SNRPN: variants seen among roughly 807,000 people sequenced by gnomAD.
The protein encoded by SNRPN is small nuclear ribonucleoprotein polypeptide N, also known as small nuclear ribonucleoprotein-associated protein N.
SNRPN carries 7 observed loss-of-function variants against 25.2 expected under a neutral mutation model. That is an observed-to-expected ratio of 0.28 (90% confidence interval 0.16 to 0.52). The LOEUF (loss-of-function observed/expected upper bound fraction) is 0.52. SNRPN is among the 20% of genes least tolerant of loss of function. The pLI, the probability that SNRPN is intolerant of heterozygous loss-of-function variation, is 0.96. For missense variants in SNRPN, 196 were observed against 322.5 expected (o/e 0.61, Z 3.00); for synonymous variants, 124 against 110.6 (o/e 1.12, Z -0.76).
At chr15:24,885,036 C>T (rs35128953) in intron 1 of SNRPN, among the ~76,000 whole-genome samples, 7,535 of 152,230 alleles carry the variant, frequency 0.049, 196 homozygotes, top group Non-Finnish European at 0.06. Context: ...GCTGTGTCTA[C>T]GTGCAGATGG....
chr15:24,879,341 G>A (rs2056354409), intron 1 of SNRPN, among the ~76,000 whole-genome samples: 1 of 151,910 alleles, frequency 6.6e-6, no homozygotes, highest in Non-Finnish European at 1.5e-5. Context: ...GGAGGCTGAG[G>A]CAGGAGAATT....
At chr15:24,884,148 CAAAAAA>C (rs61039873) in intron 1 of SNRPN, among the ~76,000 whole-genome samples, 1 of 104,874 alleles carries the variant, frequency 9.5e-6, no homozygotes. Context: ...CCTGCCTCTA[CAAAAAA>C]AAAAAAAAAA....
chr15:24,977,772 T>C lies in SNRPN; in HGVS notation c.421-6T>C, dbSNP rs1566978397. On this transcript the variant is annotated splice_polypyrimidine_tract_variant and splice_region_variant and intron_variant, in intron 7 of 9. Coordinates refer to ENST00000390687, the MANE Select transcript of SNRPN (RefSeq NM_003097.6). ...GCTTTGACTGTTTCCCGCCCTGCCTTCTCAGGTAATGACTCCACAGGGAAG... is the reference window on the plus strand; with the variant it reads ...GCTTTGACTGTTTCCCGCCCTGCCTCCTCAGGTAATGACTCCACAGGGAAG... The C allele has an allele frequency of 6.3e-7, 1 of 1,589,462 alleles. No individual in the cohort carries two copies. The highest frequency in any genetic ancestry group is 2.3e-5 in the East Asian group (1 of 44,420).
chr15:24,916,788 T>C (rs1305666443), intron 2 of SNRPN, among the ~76,000 whole-genome samples: 1 of 152,234 alleles, frequency 6.6e-6, no homozygotes, highest in Non-Finnish European at 1.5e-5. Flanking sequence ...GTGGTCTCAC[T>C]GACTTCAAGA....
chr15:24,834,751 CTATATATA>C (rs796257838), intron 2 of SNRPN, among the ~76,000 whole-genome samples: 11 of 60,954 alleles, frequency 1.8e-4, no homozygotes, highest in African/African-American at 6.5e-4. Context: ...CTCTCTCTCT[CTATATATA>C]TATATATATA....
At chr15:24,944,266 G>T (rs2061744247) in intron 3 of SNRPN, among the ~76,000 whole-genome samples, 1 of 152,208 alleles carries the variant, frequency 6.6e-6, no homozygotes, top group Admixed American at 6.5e-5. Context: ...CATGAGCTGG[G>T]TGTTTGAATC....
At chr15:24,850,982 A>G (rs555735999) in intron 2 of SNRPN, 44 of 151,378 alleles carry the variant, frequency 2.9e-4, no homozygotes, top group African/African-American at 1.0e-3. Flanking sequence ...GTGCAGTGGC[A>G]TATACACTGT....
At chr15:24,907,455 A>G (rs1053040518) in intron 2 of SNRPN, among the ~76,000 whole-genome samples, 1 of 151,946 alleles carries the variant, frequency 6.6e-6, no homozygotes, top group Non-Finnish European at 1.5e-5. Context: ...AAAATTAGCC[A>G]GGCGTGGTGG....
At chr15:24,873,859 T>C (rs2055522195) in intron 1 of SNRPN, among the ~76,000 whole-genome samples, 1 of 152,130 alleles carries the variant, frequency 6.6e-6, no homozygotes, top group South Asian at 2.1e-4. Context: ...GAGATGCAGC[T>C]GATCTAGACC....
intron 1 of SNRPN, among the ~76,000 whole-genome samples, chr15:24,883,040 GGTT>G (rs1167078278): frequency 2.0e-5 from 3 of 151,938 alleles, no homozygotes; most frequent in Non-Finnish European, 4.4e-5. Flanking sequence ...GAAAAACAAT[GGTT>G]GTGTGAATTC....
chr15:24,850,786 A>T (rs901775342), intron 2 of SNRPN: 8 of 152,218 alleles, frequency 5.3e-5, no homozygotes, highest in African/African-American at 1.9e-4. Context: ...CTGAGGGGGA[A>T]GTCAGGGCTC....
upstream of SNRPN, among the ~76,000 whole-genome samples, chr15:24,954,539 T>A (rs191784403): frequency 1.4e-4 from 21 of 152,286 alleles, no homozygotes; most frequent in Admixed American, 1.3e-3. Context: ...TTAGGGATAT[T>A]TTCTTTTGGA....
intron 2 of SNRPN, among the ~76,000 whole-genome samples, chr15:24,897,735 T>TCA (rs2058166733): frequency 1.3e-5 from 2 of 152,154 alleles, no homozygotes; most frequent in African/African-American, 4.8e-5. Flanking sequence ...ATCTGATGCT[T>TCA]TTATAAATGG....
chr15:24,930,047 C>T (rs897040422), intron 3 of SNRPN, among the ~76,000 whole-genome samples: 1 of 151,968 alleles, frequency 6.6e-6, no homozygotes. Flanking sequence ...ATTCTCTGGG[C>T]GTGGTGGCAG....
upstream of SNRPN, chr15:24,954,900 C>T (rs552438357): frequency 6.9e-6 from 8 of 1,164,538 alleles, no homozygotes; most frequent in African/African-American, 4.5e-5. Context: ...GGCAAACAAG[C>T]ACGCCTGCGC....
intron 2 of SNRPN, among the ~76,000 whole-genome samples, chr15:24,839,906 T>C (rs1740409552): frequency 6.6e-6 from 1 of 152,218 alleles, no homozygotes; most frequent in Non-Finnish European, 1.5e-5. Flanking sequence ...TTCCATTTGA[T>C]AAGTGAAGTC....
intron 1 of SNRPN, among the ~76,000 whole-genome samples, chr15:24,882,485 C>A (rs80120794): frequency 6.6e-6 from 1 of 151,972 alleles, no homozygotes; most frequent in Non-Finnish European, 1.5e-5. Context: ...AGATGCTCCT[C>A]GACTTACAAT....
In SNRPN at chr15:24,873,431, A is replaced by T. The variant is rs142611868; in HGVS notation, c.-578-13085A>T. On this transcript the variant is annotated intron_variant, in intron 1 of 11. Coordinates refer to the SNRPN transcript ENST00000400097. ...AACCTCTGCCTCCTGGGTTCAAGCA[A>T]TTCTCCTGCAAATATTTTGTCTCTC... Among the ~76,000 whole-genome samples the T allele has an allele frequency of 8.3e-3, 939 of 112,652 alleles. 216 individuals carry two copies. Among genetic ancestry groups the T allele is most frequent in the African/African-American group, 0.028 (875 of 31,474 alleles). 73.9% of individuals were successfully genotyped at this position (112,652 alleles called of 152,430 possible). A position where few individuals can be genotyped will look rare whatever the true frequency, so the allele number is the denominator to read the frequency against.
intron 2 of SNRPN, chr15:24,851,529 T>C (rs1393951754): frequency 2.0e-5 from 3 of 152,764 alleles, no homozygotes; most frequent in Non-Finnish European, 4.4e-5. Flanking sequence ...GAAGGACTGC[T>C]GGGATTAGCA....
Sources: allele counts gnomAD v4.1 joint callset (sites outside exome capture counted in the v4.1 genomes callset), GRCh38; gene constraint gnomAD v4.1.1; transcripts MANE v1.5; gene names NCBI Gene and HGNC (gene_info 2026-07-23, HGNC 2026-07-21).